The following CACNA1E variants were observed in gnomAD, a reference collection of about 807,000 sequenced individuals.
The protein encoded by CACNA1E is voltage-dependent R-type calcium channel subunit alpha-1E.
A neutral mutation model predicts 259.2 loss-of-function variants in CACNA1E; 40 were observed. That is an observed-to-expected ratio of 0.15 (90% CI 0.12 to 0.20). The LOEUF (loss-of-function observed/expected upper bound fraction) is 0.20, where lower values mean the gene tolerates loss of function less well. Among genes scored for constraint, CACNA1E ranks in the 10% least tolerant of loss-of-function variants. CACNA1E has a pLI of 1.00. For synonymous variants in CACNA1E, 1,104 were observed against 1,138.5 expected (o/e 0.97, Z 0.61); for missense variants, 1,874 against 3,040.1 (o/e 0.62, Z 9.02).
intron 1 of CACNA1E, among the ~76,000 whole-genome samples, chr1:181,392,274 C>T (rs1219641764): frequency 2.6e-5 from 4 of 152,168 alleles, no homozygotes; most frequent in Non-Finnish European, 4.4e-5. Context: ...TTTCACCCTC[C>T]ATGCCTTTGC....
intron 1 of CACNA1E, among the ~76,000 whole-genome samples, chr1:181,498,105 C>T (rs1030047787): frequency 6.6e-6 from 1 of 152,180 alleles, no homozygotes; most frequent in Non-Finnish European, 1.5e-5. Context: ...GAAGTCTACC[C>T]TCAGTCCTTT....
intron 21 of CACNA1E, among the ~76,000 whole-genome samples, chr1:181,734,252 TTA>T (rs1428797280): frequency 6.6e-6 from 1 of 152,130 alleles, no homozygotes; most frequent in East Asian, 1.9e-4. Context: ...TACTAACATT[TTA>T]TATGATTCTA....
chr1:181,558,627 C>T (rs1648989014), intron 3 of CACNA1E, among the ~76,000 whole-genome samples: 1 of 152,106 alleles, frequency 6.6e-6, no homozygotes, highest in Non-Finnish European at 1.5e-5. Context: ...GTTCAGGTGA[C>T]TGGAGGGTGG....
chr1:181,680,431 G>A (rs1047609990), intron 7 of CACNA1E, among the ~76,000 whole-genome samples: 2 of 152,152 alleles, frequency 1.3e-5, no homozygotes, highest in African/African-American at 4.8e-5. Context: ...ACAACCACAT[G>A]GGCCTGAGTG....
chr1:181,697,282 T>C (rs1400509527), intron 7 of CACNA1E, among the ~76,000 whole-genome samples: 1 of 152,252 alleles, frequency 6.6e-6, no homozygotes, highest in Admixed American at 6.5e-5. Flanking sequence ...TCTATTTGCC[T>C]CTCTAGACCT....
chr1:181,793,322 CT>C (rs1357422388), intron 44 of CACNA1E, among the ~76,000 whole-genome samples: 2 of 152,234 alleles, frequency 1.3e-5, no homozygotes, highest in Non-Finnish European at 2.9e-5. Context: ...AATGCTATCA[CT>C]TCTTAGAAAG....
At chr1:181,636,415 A>G (rs1189957349) in intron 6 of CACNA1E, among the ~76,000 whole-genome samples, 1 of 152,240 alleles carries the variant, frequency 6.6e-6, no homozygotes, top group Non-Finnish European at 1.5e-5. Flanking sequence ...TAATTACTCC[A>G]AAACACGTTG....
At position 181,776,413 on chromosome 1, in the gene CACNA1E, T is replaced by C; in HGVS notation, c.5267+185T>C. On this transcript the variant is annotated intron_variant, in intron 38 of 47. Transcript: ENST00000367573. The surrounding 1 kb of genome is among the most constrained non-coding windows in gnomAD (Gnocchi z 4.4). ...CCAGTCACCAAGGACTTCTGTATCCTCCTTTCCCCTCTCTTTCCTTCTGTG... is the reference window on the plus strand; with the variant it reads ...CCAGTCACCAAGGACTTCTGTATCCCCCTTTCCCCTCTCTTTCCTTCTGTG... 1.7e-6 allele frequency: 1 copy of C among 583,528 alleles called. No individual in the cohort carries two copies. The highest frequency in any genetic ancestry group is 3.0e-6 in the Non-Finnish European group (1 of 328,154). The allele number at this position is 583,528 out of a possible 1,614,324, so 36.1% of individuals were successfully genotyped here.
At chr1:181,739,947 CTG>C (rs1188145136) in intron 25 of CACNA1E, among the ~76,000 whole-genome samples, 1 of 152,288 alleles carries the variant, frequency 6.6e-6, no homozygotes, top group East Asian at 1.9e-4. Flanking sequence ...CTGACATTTC[CTG>C]TGGAATCTAG....
chr1:181,496,660 A>C (rs1421279537), intron 1 of CACNA1E, among the ~76,000 whole-genome samples: 1 of 152,162 alleles, frequency 6.6e-6, no homozygotes, highest in Non-Finnish European at 1.5e-5. Context: ...AGCTTGGTGA[A>C]GGTCCTCTGC....
chr1:181,680,341 C>T (rs915962493), intron 7 of CACNA1E, among the ~76,000 whole-genome samples: 1 of 152,082 alleles, frequency 6.6e-6, no homozygotes, highest in Non-Finnish European at 1.5e-5. Flanking sequence ...GGAGCCAGGT[C>T]TGACGTGCTA....
intron 32 of CACNA1E, among the ~76,000 whole-genome samples, chr1:181,759,577 T>C (rs137883286): frequency 6.6e-6 from 1 of 152,316 alleles, no homozygotes; most frequent in African/African-American, 2.4e-5. Flanking sequence ...CTCAAGAGTG[T>C]TAAGAAAATC....
At chr1:181,382,893 C>T (rs1655563569) in intron 1 of CACNA1E, among the ~76,000 whole-genome samples, 1 of 152,070 alleles carries the variant, frequency 6.6e-6, no homozygotes, top group Non-Finnish European at 1.5e-5. Flanking sequence ...GGGACTCATG[C>T]AGAAGGGGCG....
At chr1:181,491,986 G>A (rs1664359191) in intron 1 of CACNA1E, among the ~76,000 whole-genome samples, 1 of 152,214 alleles carries the variant, frequency 6.6e-6, no homozygotes, top group African/African-American at 2.4e-5. Context: ...TGGTGTGAGG[G>A]CAGTGGATGG....
intron 2 of CACNA1E, among the ~76,000 whole-genome samples, chr1:181,416,126 C>T (rs116658500): frequency 2.0e-5 from 3 of 152,070 alleles, no homozygotes; most frequent in Non-Finnish European, 4.4e-5. Flanking sequence ...TGGACATGCT[C>T]AGTTATCTCT....
intron 7 of CACNA1E, among the ~76,000 whole-genome samples, chr1:181,655,445 A>T (rs932404559): frequency 6.6e-6 from 1 of 152,362 alleles, no homozygotes; most frequent in Non-Finnish European, 1.5e-5. Context: ...GAAAGTTAGT[A>T]ACAAATAGAT....
intron 16 of CACNA1E, among the ~76,000 whole-genome samples, chr1:181,723,328 G>A (rs1037894956): frequency 8.5e-5 from 13 of 152,140 alleles, no homozygotes; most frequent in African/African-American, 2.2e-4. Flanking sequence ...TACACATCTC[G>A]TTCAGTGATT....
intron 16 of CACNA1E, among the ~76,000 whole-genome samples, chr1:181,724,214 A>G (rs1320092881): frequency 6.6e-6 from 1 of 152,156 alleles, no homozygotes; most frequent in Admixed American, 6.5e-5. Flanking sequence ...TGGCCCCCAG[A>G]TGGTTTGATT....
intron 2 of CACNA1E, among the ~76,000 whole-genome samples, chr1:181,465,965 T>A (rs1662126744): frequency 6.7e-6 from 1 of 149,940 alleles, no homozygotes; most frequent in Admixed American, 6.7e-5. Flanking sequence ...TGTTATTTTC[T>A]TGGCCTAAGT....
Sources: gnomAD v4.1 joint callset for allele counts (sites outside exome capture counted in the v4.1 genomes callset) on GRCh38, gnomAD v4.1.1 for gene constraint, Gnocchi (gnomAD v3.1) non-coding constraint, MANE v1.5 for transcripts, NCBI Gene and HGNC (gene_info 2026-07-23, HGNC 2026-07-21) for gene names.